The following XYLB variants were observed in gnomAD, a reference collection of about 807,000 sequenced individuals.
The protein encoded by XYLB is xylulokinase.
XYLB carries 62 observed loss-of-function variants against 78.7 expected under a neutral mutation model. That is an observed-to-expected ratio of 0.79 (90% CI 0.64 to 0.97). XYLB has a LOEUF of 0.97. Among genes scored for constraint, XYLB ranks in the 50% least tolerant of loss-of-function variants. The probability of loss-of-function intolerance (pLI) is 0.00; values close to 1 mark genes in which losing one functional copy is unlikely to be tolerated. For synonymous variants in XYLB, 245 were observed against 247.4 expected (o/e 0.99, Z 0.09); for missense variants, 687 against 676.8 (o/e 1.02, Z -0.17).
chr3:38,395,577 G>C lies in XYLB; in HGVS notation c.1350+14G>C. 2 of 1,613,866 alleles carry C rather than the reference G, an allele frequency of 1.2e-6. No homozygotes were observed. On this transcript the variant is annotated intron_variant, in intron 16 of 18. Transcript: ENST00000207870. ...GAAATCTTACAGGTAAGCGTTAGTA[G>C]TGGGCCTTACACCATGGCCTCTCCC... is the stretch of plus-strand genomic sequence containing the variant.
downstream of XYLB, among the ~76,000 whole-genome samples, chr3:38,416,359 A>C (rs747836709): frequency 1.2e-4 from 19 of 152,252 alleles, no homozygotes; most frequent in Non-Finnish European, 2.4e-4. Context: ...TTAATAGTAT[A>C]GAATACATAG....
chr3:38,364,074 A>G (rs765914327), intron 4 of XYLB, among the ~76,000 whole-genome samples: 10 of 151,902 alleles, frequency 6.6e-5, no homozygotes. Flanking sequence ...CCCGACCCCC[A>G]TGGCTGGATA....
chr3:38,373,833 G>T lies in XYLB; in HGVS notation c.848-629G>T, dbSNP rs373217029. ...TGCCAGGCCTTCCTTCAGTGCTGGG[G>T]CCCTTCAGCAATCAAGGCAGATAAA... is the stretch of plus-strand genomic sequence containing the variant. On this transcript the variant is annotated intron_variant, in intron 10 of 18. Transcript: ENST00000207870. 1.5e-4 allele frequency among the ~76,000 whole-genome samples: 23 copies of T among 152,250 alleles called. No homozygotes were observed. In the East Asian group the frequency reaches 1.5e-3, roughly 10 times the overall value.
At chr3:38,349,338 A>G (rs933109532) in intron 2 of XYLB, among the ~76,000 whole-genome samples, 2 of 152,248 alleles carry the variant, frequency 1.3e-5, no homozygotes, top group African/African-American at 4.8e-5. Context: ...AGCTATGGTC[A>G]GCCACTAAGG....
Position 38,378,609 on chromosome 3 carries a change from T to C in XYLB, c.1195-637T>C, listed in dbSNP as rs1248534431. Among the ~76,000 whole-genome samples the C allele has an allele frequency of 2.6e-5, 4 of 151,898 alleles. No homozygotes were observed. In the East Asian group the frequency reaches 7.7e-4, roughly 29 times the overall value. On this transcript the variant is annotated intron_variant, in intron 14 of 18. Transcript: ENST00000207870. ...GGATCTCACCATGGAAAGAGTAGGA[T>C]AGACTTTCAGGCAGAGGGAGCAGCT... is the stretch of plus-strand genomic sequence containing the variant.
rs1707026866 is a variant in XYLB, at chr3:38,379,301, T to C, written c.1250T>C (p.Met417Thr). Residue 417 changes from methionine (M) to threonine (T), a missense_variant, in exon 15 of 19, where the codon ATG becomes ACG. Physicochemically the swap from Met to Thr is moderately conservative, Grantham distance 81. Transcript: ENST00000207870. ...CGAGCACTAATTGAAGGACAATTCA[T>C]GGCCAAGAGGATTCACGCAGAAGGC... ...EVRALIEGQF[M>T]AKRIHAEGLG... The C allele has an allele frequency of 6.2e-7, 1 of 1,614,062 alleles. No individual in the cohort carries two copies. The highest frequency in any genetic ancestry group is 2.2e-5 in the East Asian group (1 of 44,858).
exon 18 of XYLB, among the ~76,000 whole-genome samples, chr3:38,420,405 A>G (rs1433569107): frequency 6.6e-6 from 1 of 152,140 alleles, no homozygotes; most frequent in Non-Finnish European, 1.5e-5. Context: ...TATCACTAAG[A>G]GTGTGTGTGT....
In XYLB at chr3:38,372,756, T is replaced by C; in HGVS notation, c.847+20T>C. On this transcript the variant is annotated intron_variant, in intron 10 of 18. Transcript: ENST00000207870. ...ACCCAGGTGAGTATCTCGGGGAGTTTCACTCTCCAGTGAGCCTGACTGGGT... is the reference window on the plus strand; with the variant it reads ...ACCCAGGTGAGTATCTCGGGGAGTTCCACTCTCCAGTGAGCCTGACTGGGT... 1 of 1,613,016 alleles carries C rather than the reference T, an allele frequency of 6.2e-7. No individual in the cohort carries two copies. Among genetic ancestry groups the C allele is most frequent in the Non-Finnish European group, 8.5e-7 (1 of 1,179,040 alleles).
chr3:38,385,823 C>G (rs1025928085), intron 15 of XYLB, among the ~76,000 whole-genome samples: 1 of 152,186 alleles, frequency 6.6e-6, no homozygotes, highest in Non-Finnish European at 1.5e-5. Flanking sequence ...TGGATGCTCT[C>G]TCTGGATGCT....
intron 4 of XYLB, among the ~76,000 whole-genome samples, chr3:38,364,378 C>T (rs1277456718): frequency 4.6e-5 from 7 of 151,956 alleles, no homozygotes; most frequent in Admixed American, 2.6e-4. Context: ...CCGTGACTCC[C>T]ACAAGCCTTT....
intron 18 of XYLB, among the ~76,000 whole-genome samples, chr3:38,405,425 G>T (rs891956173): frequency 6.7e-6 from 1 of 148,634 alleles, no homozygotes; most frequent in Admixed American, 6.7e-5. Context: ...AATAGGAACA[G>T]CTCGGGTCTA....
chr3:38,392,291 C>T (rs963130175), intron 15 of XYLB, among the ~76,000 whole-genome samples: 8 of 152,162 alleles, frequency 5.3e-5, no homozygotes, highest in South Asian at 2.1e-4. Flanking sequence ...TCTTAATTAA[C>T]GATGATTTTG....
At chr3:38,382,452 A>G (rs1184358777) in intron 15 of XYLB, among the ~76,000 whole-genome samples, 1 of 152,228 alleles carries the variant, frequency 6.6e-6, no homozygotes, top group East Asian at 1.9e-4. Context: ...TTAAAAATTT[A>G]TGAACATTAT....
chr3:38,365,762 G>A (rs772270698), intron 6 of XYLB, 26 bp downstream of exon 6: 4 of 1,599,242 alleles, frequency 2.5e-6, no homozygotes, highest in East Asian at 4.5e-5. Flanking sequence ...GGGGGGTGCA[G>A]GGGGTGGTCT....
the XYLB span, among the ~76,000 whole-genome samples, chr3:38,443,486 G>A: frequency 6.6e-6 from 1 of 152,126 alleles, no homozygotes; most frequent in African/African-American, 2.4e-5. Context: ...CCAGCTGATT[G>A]GCCTGCTCTA....
chr3:38,430,024 G>C, the XYLB span, among the ~76,000 whole-genome samples: 1 of 152,046 alleles, frequency 6.6e-6, no homozygotes, highest in Non-Finnish European at 1.5e-5. Flanking sequence ...ATATGTGTTC[G>C]TGTGTCTTTA....
intron 17 of XYLB, 25 bp downstream of exon 17, chr3:38,397,184 A>G (rs777686238): frequency 2.5e-6 from 4 of 1,611,654 alleles, no homozygotes; most frequent in East Asian, 4.5e-5. Context: ...GGAGACAGCT[A>G]TCTCTGGAAG....
At chr3:38,438,646 C>G in the XYLB span, among the ~76,000 whole-genome samples, 5 of 152,198 alleles carry the variant, frequency 3.3e-5, no homozygotes, top group African/African-American at 9.6e-5. Context: ...GCTCATAAAG[C>G]TGGCATGGAC....
chr3:38,355,763 G>C, intron 2 of XYLB: 1 of 703,586 alleles, frequency 1.4e-6, no homozygotes, highest in Non-Finnish European at 2.6e-6. Context: ...AAGCACATGT[G>C]GAACATGACA....
Sources: allele counts gnomAD v4.1 joint callset (sites outside exome capture counted in the v4.1 genomes callset), GRCh38; gene constraint gnomAD v4.1.1; transcripts MANE v1.5; gene names NCBI Gene and HGNC (gene_info 2026-07-23, HGNC 2026-07-21).